Variants in PDK1 observed in about 807,000 individuals in gnomAD.
PDK1 encodes [Pyruvate dehydrogenase (acetyl-transferring)] kinase isozyme 1, mitochondrial.
Under a neutral mutation model 54.2 loss-of-function variants are expected in PDK1, and 39 were observed. The observed-to-expected ratio is 0.72, with a 90% CI of 0.56 to 0.94. PDK1 has a LOEUF of 0.94. Ranked by LOEUF, PDK1 falls within the 40% of genes least tolerant of loss-of-function variation. The pLI, the probability that PDK1 is intolerant of heterozygous loss-of-function variation, is 0.00. For missense variants in PDK1, 552 were observed against 566.0 expected (o/e 0.98, Z 0.25); for synonymous variants, 221 against 207.1 (o/e 1.07, Z -0.58).
chr2:172,721,276 C>T, the PDK1 span, among the ~76,000 whole-genome samples: 4 of 152,136 alleles, frequency 2.6e-5, no homozygotes, highest in African/African-American at 7.2e-5. Context: ...TTTCTTATTT[C>T]TAGGGTGGAA....
At chr2:172,714,460 T>A in the PDK1 span, among the ~76,000 whole-genome samples, 1 of 152,124 alleles carries the variant, frequency 6.6e-6, no homozygotes, top group African/African-American at 2.4e-5. Context: ...TTAATTATAT[T>A]ACCATACTTT....
chr2:172,719,032 T>C, the PDK1 span, among the ~76,000 whole-genome samples: 1 of 152,222 alleles, frequency 6.6e-6, no homozygotes, highest in South Asian at 2.1e-4. Context: ...ACTGTCTTTA[T>C]AATCTGGCCT....
At chr2:172,569,731 A>G (rs987358494) in intron 7 of PDK1, among the ~76,000 whole-genome samples, 17 of 152,212 alleles carry the variant, frequency 1.1e-4, no homozygotes, top group African/African-American at 3.9e-4. Context: ...TATTTTTTGT[A>G]GAGTTGAGGT....
the PDK1 span, among the ~76,000 whole-genome samples, chr2:172,718,432 G>C: frequency 6.6e-6 from 1 of 152,214 alleles, no homozygotes; most frequent in African/African-American, 2.4e-5. Context: ...GCATGTTATT[G>C]AAATGATCAG....
At chr2:172,649,518 T>C in the PDK1 span, among the ~76,000 whole-genome samples, 3 of 152,140 alleles carry the variant, frequency 2.0e-5, no homozygotes, top group East Asian at 3.9e-4. Context: ...CTTCAGATGA[T>C]CGGTAATAAC....
intron 8 of PDK1, among the ~76,000 whole-genome samples, chr2:172,581,765 T>C (rs1391544187): frequency 6.6e-6 from 1 of 152,252 alleles, no homozygotes; most frequent in African/African-American, 2.4e-5. Context: ...GTTCAAATTA[T>C]TGACATTTTT....
chr2:172,579,691 C>T (rs962400444), intron 8 of PDK1, among the ~76,000 whole-genome samples: 1 of 149,534 alleles, frequency 6.7e-6, no homozygotes, highest in Non-Finnish European at 1.5e-5. Context: ...TTTTGTTTAA[C>T]TAGAGTTTTT....
chr2:172,701,510 G>C, the PDK1 span, among the ~76,000 whole-genome samples: 4 of 152,166 alleles, frequency 2.6e-5, no homozygotes, highest in African/African-American at 9.7e-5. Context: ...GTGAAGATTT[G>C]TAAGCCCAGG....
chr2:172,572,733 A>G (rs909525214), intron 8 of PDK1, among the ~76,000 whole-genome samples: 7 of 152,132 alleles, frequency 4.6e-5, no homozygotes, highest in Non-Finnish European at 7.4e-5. Flanking sequence ...TGAAAAAAAG[A>G]AAAAAAGGAA....
chr2:172,567,109 C>G (rs899751586), intron 6 of PDK1, among the ~76,000 whole-genome samples, 176 bp downstream of exon 6: 1 of 152,086 alleles, frequency 6.6e-6, no homozygotes, highest in Non-Finnish European at 1.5e-5. Flanking sequence ...TAGTCAGATT[C>G]TTTATGAAAA....
the PDK1 span, among the ~76,000 whole-genome samples, chr2:172,613,865 C>T: frequency 6.6e-6 from 1 of 152,146 alleles, no homozygotes; most frequent in East Asian, 1.9e-4. Context: ...TCCTGCTCTA[C>T]GGAGCAGGCA....
the PDK1 span, among the ~76,000 whole-genome samples, chr2:172,617,568 CAT>C: frequency 1.2e-4 from 18 of 152,216 alleles, no homozygotes; most frequent in African/African-American, 4.1e-4. Flanking sequence ...ATCATATCCT[CAT>C]ATGGCAGAAG....
intron 8 of PDK1, among the ~76,000 whole-genome samples, chr2:172,583,282 T>G (rs76035308): frequency 3.5e-5 from 2 of 57,296 alleles, no homozygotes; most frequent in East Asian, 2.3e-3. Context: ...AGTTTTCTGG[T>G]TTTTTTTTTT....
At chr2:172,700,223 G>A in the PDK1 span, among the ~76,000 whole-genome samples, 28,217 of 151,202 alleles carry the variant, frequency 0.19, 3,157 homozygotes, top group African/African-American at 0.31. Flanking sequence ...CTTTCTATTC[G>A]ACAAAACCGC....
chr2:172,612,674 T>G (rs548303636), downstream of PDK1, among the ~76,000 whole-genome samples: 76 of 148,526 alleles, frequency 5.1e-4, no homozygotes, highest in African/African-American at 1.7e-3. Flanking sequence ...ACCAGTAGTG[T>G]TTTTTTTTTG....
the PDK1 span, among the ~76,000 whole-genome samples, chr2:172,665,411 G>A: frequency 6.6e-6 from 1 of 152,156 alleles, no homozygotes; most frequent in South Asian, 2.1e-4. Context: ...GTGAGGGAAT[G>A]AGAAATTATG....
At chr2:172,630,856 C>G in the PDK1 span, among the ~76,000 whole-genome samples, 2 of 152,120 alleles carry the variant, frequency 1.3e-5, no homozygotes, top group African/African-American at 4.8e-5. Flanking sequence ...TTTTGAACTC[C>G]TGACCTCAAG....
chr2:172,717,669 G>A, the PDK1 span, among the ~76,000 whole-genome samples: 10 of 152,160 alleles, frequency 6.6e-5, no homozygotes, highest in South Asian at 1.9e-3. Context: ...CTCACCTCCC[G>A]AATAAATTGT....
the PDK1 span, among the ~76,000 whole-genome samples, chr2:172,681,258 T>A: frequency 6.6e-6 from 1 of 152,236 alleles, no homozygotes. Context: ...AAATCCGTAT[T>A]ATTACATAAT....
Sources: allele counts gnomAD v4.1 joint callset (sites outside exome capture counted in the v4.1 genomes callset), GRCh38; gene constraint gnomAD v4.1.1; transcripts MANE v1.5; gene names NCBI Gene and HGNC (gene_info 2026-07-23, HGNC 2026-07-21).